NEDD9: variants seen among roughly 807,000 people sequenced by gnomAD.
NEDD9 encodes the protein neural precursor cell expressed, developmentally down-regulated 9, also known as enhancer of filamentation 1.
A neutral mutation model predicts 76.6 loss-of-function variants in NEDD9; 26 were observed. That is an observed-to-expected ratio of 0.34 (90% confidence interval 0.25 to 0.47). The LOEUF (loss-of-function observed/expected upper bound fraction) is 0.47, where lower values mean the gene tolerates loss of function less well. Among genes scored for constraint, NEDD9 ranks in the 20% least tolerant of loss-of-function variants. The pLI is 1.00. For synonymous variants in NEDD9, 392 were observed against 414.2 expected, an observed-to-expected ratio of 0.95 and a Z score of 0.65; for missense variants, 937 against 1,058.5, an observed-to-expected ratio of 0.89 and a Z score of 1.59.
At chr6:11,341,760 G>A (rs1332272115) in intron 1 of NEDD9, among the ~76,000 whole-genome samples, 2 of 152,052 alleles carry the variant, frequency 1.3e-5, no homozygotes, top group African/African-American at 2.4e-5. Context: ...ACAATGCCCA[G>A]TATTCAATGA....
intron 2 of NEDD9, among the ~76,000 whole-genome samples, chr6:11,205,473 T>C (rs1158502762): frequency 6.6e-6 from 1 of 152,212 alleles, no homozygotes; most frequent in Non-Finnish European, 1.5e-5. Context: ...TGCCATGCTT[T>C]AAGAAAACCA....
intron 2 of NEDD9, among the ~76,000 whole-genome samples, chr6:11,197,154 G>C (rs958532711): frequency 1.3e-5 from 2 of 152,092 alleles, no homozygotes; most frequent in Admixed American, 6.5e-5. Context: ...CATTTGTTCG[G>C]TGAGGCATTA....
At chr6:11,199,464 C>T (rs1406988094) in intron 2 of NEDD9, 1 of 152,070 alleles carries the variant, frequency 6.6e-6, no homozygotes, top group Admixed American at 6.6e-5. Context: ...GCATAAAGTA[C>T]CTGGCATAAA....
chr6:11,373,542 T>C (rs897450931), intron 1 of NEDD9, among the ~76,000 whole-genome samples: 2 of 152,244 alleles, frequency 1.3e-5, no homozygotes, highest in African/African-American at 4.8e-5. Flanking sequence ...CTTCCATATG[T>C]AAGCTTCTTG....
intron 1 of NEDD9, among the ~76,000 whole-genome samples, chr6:11,366,307 GAAAGAGAA>G (rs1339944879): frequency 9.8e-5 from 12 of 122,466 alleles, no homozygotes; most frequent in Admixed American, 3.4e-4. Context: ...AAGAAAGAAA[GAAAGAGAA>G]AGAAAGAAAG....
Position 11,213,773 on chromosome 6 carries a change from G to T in NEDD9, c.13-46C>A, listed in dbSNP as rs115552978. The T allele has an allele frequency of 1.7e-4, 267 of 1,579,140 alleles. No individual in the cohort carries two copies. Among genetic ancestry groups the T allele is most frequent in the Non-Finnish European group, 2.2e-4 (254 of 1,155,148 alleles). ...GGAAACCGTGTTAGAATATTGGGTC[G>T]GTCCCTTTATCACCTAAGGCCCGTG... On this transcript the variant is annotated intron_variant, in intron 1 of 6. Transcript: ENST00000379446. The surrounding 1 kb of genome is among the most constrained non-coding windows in gnomAD (Gnocchi z 5.4).
At chr6:11,282,841 C>A (rs1760563780) in intron 3 of NEDD9, among the ~76,000 whole-genome samples, 1 of 152,166 alleles carries the variant, frequency 6.6e-6, no homozygotes, top group African/African-American at 2.4e-5. Flanking sequence ...TATATCGGCC[C>A]AAGTGATTTT....
chr6:11,328,480 C>T (rs1761972558), intron 2 of NEDD9: 1 of 152,220 alleles, frequency 6.6e-6, no homozygotes, highest in Non-Finnish European at 1.5e-5. Flanking sequence ...GAAAAGAGCA[C>T]AGGTCATCCC....
At chr6:11,210,228 G>T (rs1561789467) in intron 2 of NEDD9, among the ~76,000 whole-genome samples, 7 of 152,092 alleles carry the variant, frequency 4.6e-5, no homozygotes, top group Admixed American at 2.6e-4. Flanking sequence ...AGACCTACTG[G>T]ATTAATTTCT....
chr6:11,300,830 A>G (rs757313181), intron 3 of NEDD9, among the ~76,000 whole-genome samples: 7 of 152,330 alleles, frequency 4.6e-5, no homozygotes, highest in Non-Finnish European at 1.0e-4. Context: ...TTTTGTCACT[A>G]CCAGGCCTGC....
In NEDD9 at chr6:11,213,533, C is replaced by T; in HGVS notation, c.207G>A (p.Glu69=). 1 of 1,614,174 alleles carries T rather than the reference C, an allele frequency of 6.2e-7. No individual in the cohort carries two copies. The stretch of plus-strand genomic sequence containing the variant: ...CAGGCTGCTCGTGACTGGAGGCAGT[C>T]TCCTGCATGGGACCAATCAGAAGCT... ...RVKLLIGPMQ[E]TASSHEQPAS... Residue 69 remains glutamate, a synonymous_variant, in exon 2 of 7, where the codon GAG becomes GAA. Coordinates refer to ENST00000379446, the MANE Select transcript of NEDD9 (RefSeq NM_006403.4). The surrounding 1 kb of genome is among the most constrained non-coding windows in gnomAD (Gnocchi z 5.4).
chr6:11,326,057 A>C (rs1193375349), intron 2 of NEDD9, among the ~76,000 whole-genome samples: 3 of 151,974 alleles, frequency 2.0e-5, no homozygotes, highest in Admixed American at 1.3e-4. Flanking sequence ...GAGGCAGGAG[A>C]ATCTCTTGAA....
intron 1 of NEDD9, among the ~76,000 whole-genome samples, chr6:11,362,785 G>C (rs6938536): frequency 0.015 from 2,255 of 152,304 alleles, 52 homozygotes; most frequent in African/African-American, 0.052. Context: ...AGTGTTAATG[G>C]AGCAGACCTT....
At chr6:11,188,604 T>C (rs1397775731) in intron 5 of NEDD9, among the ~76,000 whole-genome samples, 3 of 152,198 alleles carry the variant, frequency 2.0e-5, no homozygotes, top group Non-Finnish European at 4.4e-5. Context: ...TTCTCATAGA[T>C]TATATGTGAA....
chr6:11,344,146 G>A (rs868688766), intron 1 of NEDD9, among the ~76,000 whole-genome samples: 5 of 152,156 alleles, frequency 3.3e-5, no homozygotes, highest in African/African-American at 1.2e-4. Context: ...GGTGTAGTGG[G>A]CTCATGACAC....
intron 3 of NEDD9, among the ~76,000 whole-genome samples, chr6:11,240,620 T>G (rs143557880): frequency 6.6e-6 from 1 of 152,338 alleles, no homozygotes; most frequent in East Asian, 1.9e-4. Flanking sequence ...TTAGTGTTAT[T>G]ATAACTTTGG....
intron 2 of NEDD9, among the ~76,000 whole-genome samples, chr6:11,326,543 C>G (rs150912930): frequency 3.3e-5 from 5 of 152,362 alleles, no homozygotes; most frequent in Non-Finnish European, 5.9e-5. Flanking sequence ...TCTATGAACA[C>G]CATTCTGGAG....
At chr6:11,331,475 G>A (rs1306362598) in intron 2 of NEDD9, among the ~76,000 whole-genome samples, 1 of 152,026 alleles carries the variant, frequency 6.6e-6, no homozygotes, top group East Asian at 1.9e-4. Context: ...GGTGGGAGTG[G>A]GGAGGAGATA....
At chr6:11,204,737 A>AC (rs1758553796) in intron 2 of NEDD9, among the ~76,000 whole-genome samples, 1 of 133,720 alleles carries the variant, frequency 7.5e-6, no homozygotes, top group Non-Finnish European at 1.6e-5. Flanking sequence ...AAAAAAAAAA[A>AC]GAAAGAAAGA....
Sources: allele counts gnomAD v4.1 joint callset (sites outside exome capture counted in the v4.1 genomes callset), GRCh38; gene constraint gnomAD v4.1.1; non-coding constraint Gnocchi (gnomAD v3.1); transcripts MANE v1.5; gene names NCBI Gene and HGNC (gene_info 2026-07-23, HGNC 2026-07-21).